The following MYRIP variants were observed in gnomAD, a reference collection of about 807,000 sequenced individuals.
MYRIP encodes the protein myosin VIIA and Rab interacting protein, also known as rab effector MyRIP.
MYRIP carries 49 observed loss-of-function variants against 98.0 expected under a neutral mutation model. The ratio of observed to expected loss-of-function variants is 0.50; its 90% CI spans 0.40 to 0.63. The LOEUF (loss-of-function observed/expected upper bound fraction) is 0.63. Ranked by LOEUF, MYRIP falls within the 30% of genes least tolerant of loss-of-function variation. The pLI, the probability that MYRIP is intolerant of heterozygous loss-of-function variation, is 0.00. For missense variants in MYRIP, 1,004 were observed against 1,058.2 expected (o/e 0.95, Z 0.71); for synonymous variants, 404 against 409.5 (o/e 0.99, Z 0.16).
In MYRIP at chr3:40,199,186, A is replaced by C. The variant is rs139170458; in HGVS notation, c.1665+8723A>C. On this transcript the variant is annotated intron_variant, in intron 10 of 16. Transcript: ENST00000302541. Reference sequence around the variant, plus strand: ...CGGAGCTGAAATCCAAGAGAAACTCATCCTGTGGATCCTTGTGGAGAGGAT... The same window carrying C: ...CGGAGCTGAAATCCAAGAGAAACTCCTCCTGTGGATCCTTGTGGAGAGGAT... Among the ~76,000 whole-genome samples the C allele has an allele frequency of 3.3e-3, 505 of 152,310 alleles. 2 individuals carry two copies. Among genetic ancestry groups the C allele is most frequent in the Non-Finnish European group, 6.0e-3 (405 of 68,018 alleles).
At chr3:39,976,264 C>T (rs956092471) in intron 2 of MYRIP, among the ~76,000 whole-genome samples, 1 of 152,170 alleles carries the variant, frequency 6.6e-6, no homozygotes, top group African/African-American at 2.4e-5. Flanking sequence ...CAAAAGAAGA[C>T]ATTTATGCAG....
At chr3:40,107,866 C>G (rs1949079160) in intron 3 of MYRIP, among the ~76,000 whole-genome samples, 2 of 152,152 alleles carry the variant, frequency 1.3e-5, no homozygotes, top group African/African-American at 4.8e-5. Context: ...GAGGGAGAGA[C>G]ACAAATCACA....
chr3:39,910,687 T>G (rs1287826932), intron 2 of MYRIP, among the ~76,000 whole-genome samples: 1 of 152,242 alleles, frequency 6.6e-6, no homozygotes, highest in Non-Finnish European at 1.5e-5. Flanking sequence ...CTTAAATATA[T>G]TTTTAAAGTT....
At chr3:40,089,098 C>T (rs560914368) in intron 3 of MYRIP, among the ~76,000 whole-genome samples, 5 of 152,112 alleles carry the variant, frequency 3.3e-5, no homozygotes, top group South Asian at 2.1e-4. Flanking sequence ...GCTTACAGGG[C>T]GGATGATGCA....
intron 2 of MYRIP, among the ~76,000 whole-genome samples, chr3:39,937,645 G>A (rs1944685592): frequency 6.6e-6 from 1 of 152,330 alleles, no homozygotes; most frequent in Non-Finnish European, 1.5e-5. Context: ...TCAAAGAAGA[G>A]CTACAAAGTG....
At chr3:40,083,279 G>C (rs1469568564) in intron 3 of MYRIP, among the ~76,000 whole-genome samples, 1 of 152,210 alleles carries the variant, frequency 6.6e-6, no homozygotes, top group Non-Finnish European at 1.5e-5. Context: ...AGACAGTAGG[G>C]ATGACAGATG....
Position 40,203,953 on chromosome 3 carries a change from T to TTTATATAAATATA in MYRIP, c.1666-5901_1666-5900insTTATATAAATATA, listed in dbSNP as rs1225630862. 4.2e-4 allele frequency among the ~76,000 whole-genome samples: 6 copies of TTTATATAAATATA among 14,452 alleles called. 1 individual carries two copies. The highest frequency in any genetic ancestry group is 5.9e-4 in the Non-Finnish European group (5 of 8,490). The allele number at this position is 14,452 out of a possible 152,430, so 9.5% of individuals were successfully genotyped here. On this transcript the variant is annotated intron_variant, in intron 10 of 16. Coordinates refer to ENST00000302541, the MANE Select transcript of MYRIP (RefSeq NM_015460.4). The stretch of plus-strand genomic sequence containing the variant: ...AATATAATATATATTATATATATTA[T>TTTATATAAATATA]ATATTATATACATTATATATATTAT...
chr3:39,916,428 C>T (rs1252199606), intron 2 of MYRIP, among the ~76,000 whole-genome samples: 1 of 151,248 alleles, frequency 6.6e-6, no homozygotes, highest in Admixed American at 6.6e-5. Flanking sequence ...AAAATCACAC[C>T]AAAGATACCT....
intron 3 of MYRIP, among the ~76,000 whole-genome samples, chr3:40,070,191 C>G (rs542190941): frequency 1.3e-5 from 2 of 152,254 alleles, no homozygotes; most frequent in East Asian, 3.9e-4. Flanking sequence ...TACTGACTTC[C>G]AAGCAAAGCA....
chr3:39,818,474 T>C (rs1463817541), intron 1 of MYRIP, among the ~76,000 whole-genome samples: 1 of 152,172 alleles, frequency 6.6e-6, no homozygotes, highest in African/African-American at 2.4e-5. Context: ...ATGGAGGTTG[T>C]TTTTTATTTC....
chr3:40,194,444 T>A (rs1951331149), intron 10 of MYRIP, among the ~76,000 whole-genome samples: 1 of 152,080 alleles, frequency 6.6e-6, no homozygotes, highest in African/African-American at 2.4e-5. Context: ...TACTATTTTA[T>A]TTTAATTATA....
At chr3:40,246,917 G>T (rs1953225073) in intron 13 of MYRIP, among the ~76,000 whole-genome samples, 1 of 152,122 alleles carries the variant, frequency 6.6e-6, no homozygotes, top group South Asian at 2.1e-4. Flanking sequence ...TTATCAGATA[G>T]ATGGCCCTGT....
intron 1 of MYRIP, among the ~76,000 whole-genome samples, chr3:39,877,578 C>T (rs1253000668): frequency 6.6e-6 from 1 of 152,204 alleles, no homozygotes; most frequent in Non-Finnish European, 1.5e-5. Flanking sequence ...CCCTCAGCTG[C>T]AGGTCTGTTG....
intron 2 of MYRIP, among the ~76,000 whole-genome samples, chr3:39,938,680 C>G (rs565553153): frequency 2.4e-4 from 36 of 152,006 alleles, no homozygotes; most frequent in Non-Finnish European, 4.7e-4. Context: ...TATTTTAGAA[C>G]TTTTTTGTAG....
At chr3:40,013,905 C>G (rs1007873181) in intron 2 of MYRIP, among the ~76,000 whole-genome samples, 22 of 152,356 alleles carry the variant, frequency 1.4e-4, no homozygotes, top group African/African-American at 3.4e-4. Context: ...CACTTCTGTT[C>G]TCATCCTGTC....
chr3:40,108,291 T>TGTTGTGTGGG (rs56347639), intron 3 of MYRIP, among the ~76,000 whole-genome samples: 64,488 of 151,012 alleles, frequency 0.43, 14,461 homozygotes, highest in Admixed American at 0.53. Context: ...ACAGAGTTTA[T>TGTTGTGTGGG]AATTTAAGGC....
chr3:39,998,052 C>T (rs992866353), intron 2 of MYRIP, among the ~76,000 whole-genome samples: 1 of 152,142 alleles, frequency 6.6e-6, no homozygotes, highest in Non-Finnish European at 1.5e-5. Context: ...TAAGAGCTAT[C>T]TATGACAAAC....
At chr3:39,975,582 C>T (rs1384965937) in intron 2 of MYRIP, among the ~76,000 whole-genome samples, 2 of 151,990 alleles carry the variant, frequency 1.3e-5, no homozygotes, top group East Asian at 1.9e-4. Context: ...AAAGAGCCCG[C>T]ATTGCCAAGT....
intron 2 of MYRIP, among the ~76,000 whole-genome samples, chr3:39,983,773 G>A (rs550781249): frequency 3.3e-5 from 5 of 152,050 alleles, no homozygotes; most frequent in African/African-American, 7.2e-5. Context: ...TAGTAGGGAC[G>A]CATTCTTTAT....
Sources: gnomAD v4.1 joint callset for allele counts (sites outside exome capture counted in the v4.1 genomes callset) on GRCh38, gnomAD v4.1.1 for gene constraint, MANE v1.5 for transcripts, NCBI Gene and HGNC (gene_info 2026-07-23, HGNC 2026-07-21) for gene names.